Variants in CRACD observed in about 807,000 individuals in gnomAD.
CRACD encodes the protein capping protein-inhibiting regulator of actin dynamics.
A neutral mutation model predicts 106.8 loss-of-function variants in CRACD; 56 were observed. The observed-to-expected ratio is 0.52, with a 90% CI of 0.42 to 0.66. The LOEUF (loss-of-function observed/expected upper bound fraction) is 0.66. Among genes scored for constraint, CRACD ranks in the 30% least tolerant of loss-of-function variants. CRACD has a pLI of 0.00. For missense variants in CRACD, 1,730 were observed against 1,623.2 expected (o/e 1.07, Z -1.13); for synonymous variants, 754 against 670.8 (o/e 1.12, Z -1.92).
intron 2 of CRACD, among the ~76,000 whole-genome samples, chr4:56,264,540 C>A (rs916868791): frequency 6.6e-6 from 1 of 152,208 alleles, no homozygotes; most frequent in Admixed American, 6.5e-5. Flanking sequence ...CTGCCTCTGA[C>A]CCCTGGGCCT....
intron 2 of CRACD, among the ~76,000 whole-genome samples, chr4:56,250,499 A>G (rs1273037647): frequency 6.6e-6 from 1 of 152,228 alleles, no homozygotes; most frequent in African/African-American, 2.4e-5. Context: ...TCTCCTAGCT[A>G]GTAAGAGAAT....
intron 1 of CRACD, among the ~76,000 whole-genome samples, chr4:56,107,189 C>T (rs189855396): frequency 7.3e-4 from 111 of 152,126 alleles, no homozygotes; most frequent in African/African-American, 2.3e-3. Context: ...TAGTGTTACC[C>T]GGGGTGCTCT....
At chr4:56,326,101 A>G (rs943498801) in intron 10 of CRACD, among the ~76,000 whole-genome samples, 1 of 152,146 alleles carries the variant, frequency 6.6e-6, no homozygotes, top group Non-Finnish European at 1.5e-5. Flanking sequence ...TAGCAGAGAC[A>G]GGGTTTCACC....
rs553736712 is a variant in CRACD, at chr4:56,245,423, A to G, written c.-188-26898A>G. Among the ~76,000 whole-genome samples, 5 of 152,272 alleles carry G rather than the reference A, an allele frequency of 3.3e-5. No individual in the cohort carries two copies. The South Asian group carries it at 8.3e-4, about 25-fold the overall frequency. ...TTTTGTCACATGCCAAAAAAACAAAACTAAACAACAATAACCGAAAGCAAA... is the reference window on the plus strand; with the variant it reads ...TTTTGTCACATGCCAAAAAAACAAAGCTAAACAACAATAACCGAAAGCAAA... On this transcript the variant is annotated intron_variant, in intron 2 of 10. Transcript: ENST00000682029.
intron 1 of CRACD, among the ~76,000 whole-genome samples, chr4:56,083,675 T>C (rs1002734142): frequency 2.0e-5 from 3 of 152,092 alleles, no homozygotes; most frequent in African/African-American, 7.2e-5. Flanking sequence ...TGGTTATTGG[T>C]TAAAAATATG....
At chr4:56,125,680 G>T (rs1344920926) in intron 1 of CRACD, among the ~76,000 whole-genome samples, 2 of 151,112 alleles carry the variant, frequency 1.3e-5, no homozygotes, top group African/African-American at 4.9e-5. Flanking sequence ...GCCTCCCAAA[G>T]TGTTGGGATT....
chr4:56,169,275 A>T (rs1736266598), intron 1 of CRACD, among the ~76,000 whole-genome samples: 1 of 152,224 alleles, frequency 6.6e-6, no homozygotes, highest in Non-Finnish European at 1.5e-5. Flanking sequence ...TTCCATATGG[A>T]AGGCCATATG....
chr4:56,055,535 C>A (rs899341533), intron 1 of CRACD, among the ~76,000 whole-genome samples: 1 of 152,090 alleles, frequency 6.6e-6, no homozygotes, highest in Non-Finnish European at 1.5e-5. Context: ...GTGACAGATC[C>A]AGCAGGGCTG....
At chr4:56,053,001 A>G (rs1731925858) in intron 1 of CRACD, among the ~76,000 whole-genome samples, 3 of 152,188 alleles carry the variant, frequency 2.0e-5, no homozygotes, top group Admixed American at 2.0e-4. Flanking sequence ...TTCTGGCTTT[A>G]GCTGGTCTTT....
chr4:56,135,847 G>A (rs896838124), intron 1 of CRACD, among the ~76,000 whole-genome samples: 1 of 152,118 alleles, frequency 6.6e-6, no homozygotes, highest in African/African-American at 2.4e-5. Context: ...AAACTAATAA[G>A]GAAACCGTCA....
At chr4:56,171,000 A>C (rs1406840430) in intron 1 of CRACD, among the ~76,000 whole-genome samples, 1 of 152,232 alleles carries the variant, frequency 6.6e-6, no homozygotes, top group Admixed American at 6.5e-5. Context: ...GTCATGCATG[A>C]GTAGGTGGGA....
Position 56,267,639 on chromosome 4 carries a change from A to G in CRACD, c.-188-4682A>G, listed in dbSNP as rs78523231. Among the ~76,000 whole-genome samples, 444 of 152,240 alleles carry G rather than the reference A, an allele frequency of 2.9e-3. 3 individuals carry two copies. Among genetic ancestry groups the G allele is most frequent in the African/African-American group, 0.01 (430 of 41,548 alleles). ...CTCTTTTTTTCTTACGGTAAGAAGA[A>G]TTGGTTGTTGGGTGGAGAATCCAGT... On this transcript the variant is annotated intron_variant, in intron 2 of 10. Coordinates refer to ENST00000682029, the MANE Select transcript of CRACD (RefSeq NM_001393381.1).
chr4:56,279,683 T>G (rs1742903768), intron 3 of CRACD, among the ~76,000 whole-genome samples: 1 of 152,188 alleles, frequency 6.6e-6, no homozygotes, highest in African/African-American at 2.4e-5. Context: ...GGAACACTTG[T>G]ACACTGTTGG....
intron 3 of CRACD, among the ~76,000 whole-genome samples, chr4:56,285,602 A>T (rs983032888): frequency 3.3e-5 from 5 of 151,996 alleles, no homozygotes; most frequent in African/African-American, 1.2e-4. Flanking sequence ...ACCACGCCCC[A>T]TGAATTTTTT....
chr4:56,140,889 C>T (rs73240517), intron 1 of CRACD, among the ~76,000 whole-genome samples: 9,858 of 152,294 alleles, frequency 0.065, 468 homozygotes, highest in Middle Eastern at 0.19. Flanking sequence ...CAACTCTTGG[C>T]TTTCTCCATG....
intron 2 of CRACD, among the ~76,000 whole-genome samples, chr4:56,267,680 T>C (rs1742103824): frequency 6.6e-6 from 1 of 152,186 alleles, no homozygotes; most frequent in Non-Finnish European, 1.5e-5. Flanking sequence ...TTTACTGTTC[T>C]TTCACCGTCC....
intron 1 of CRACD, among the ~76,000 whole-genome samples, chr4:56,171,683 T>C (rs930297749): frequency 6.6e-5 from 10 of 152,136 alleles, no homozygotes; most frequent in Non-Finnish European, 1.3e-4. Context: ...TAATGAATAG[T>C]GGTAAGCTTA....
intron 1 of CRACD, among the ~76,000 whole-genome samples, chr4:56,053,590 G>T (rs181917136): frequency 2.0e-5 from 3 of 152,192 alleles, no homozygotes; most frequent in Admixed American, 2.0e-4. Flanking sequence ...TTATATGTAG[G>T]AGTGTAACTC....
chr4:56,055,162 C>A (rs766330881), intron 1 of CRACD, among the ~76,000 whole-genome samples: 1 of 151,972 alleles, frequency 6.6e-6, no homozygotes, highest in Non-Finnish European at 1.5e-5. Context: ...TTTGTTTTTA[C>A]CAGGGAAGGT....
Sources: allele counts gnomAD v4.1 joint callset (sites outside exome capture counted in the v4.1 genomes callset), GRCh38; gene constraint gnomAD v4.1.1; transcripts MANE v1.5; gene names NCBI Gene and HGNC (gene_info 2026-07-23, HGNC 2026-07-21).